The following ATP2B2 variants were observed in gnomAD, a reference collection of about 807,000 sequenced individuals.
The protein encoded by ATP2B2 is ATPase plasma membrane Ca2+ transporting 2.
Under a neutral mutation model 120.0 loss-of-function variants are expected in ATP2B2, and 15 were observed. The observed-to-expected ratio is 0.12, with a 90% CI of 0.08 to 0.19. The LOEUF is 0.19. Ranked by LOEUF, ATP2B2 falls within the 10% of genes least tolerant of loss-of-function variation. The probability of loss-of-function intolerance (pLI) is 1.00; values close to 1 mark genes in which losing one functional copy is unlikely to be tolerated. For synonymous variants in ATP2B2, 694 were observed against 700.3 expected (o/e 0.99, Z 0.14); for missense variants, 1,045 against 1,719.8 (o/e 0.61, Z 6.94).
At chr3:10,566,433 C>T (rs553525913) in intron 2 of ATP2B2, 1 of 152,268 alleles carries the variant, frequency 6.6e-6, no homozygotes, top group Admixed American at 6.5e-5. Flanking sequence ...ATATAACCTA[C>T]CAATACACAT....
chr3:10,399,199 G>A (rs942623734), intron 5 of ATP2B2, among the ~76,000 whole-genome samples: 9 of 152,180 alleles, frequency 5.9e-5, no homozygotes, highest in Non-Finnish European at 1.3e-4. Context: ...TGCTCTGTCT[G>A]TCAACCACTT....
chr3:10,423,669 C>T (rs1248042520), intron 2 of ATP2B2, among the ~76,000 whole-genome samples: 1 of 152,188 alleles, frequency 6.6e-6, no homozygotes, highest in Admixed American at 6.5e-5. Flanking sequence ...ACAAGAAGCA[C>T]TTCCCTGTCC....
intron 1 of ATP2B2, among the ~76,000 whole-genome samples, chr3:10,625,597 G>A (rs2069675229): frequency 6.6e-6 from 1 of 152,206 alleles, no homozygotes; most frequent in Non-Finnish European, 1.5e-5. Context: ...TGGAGGAGGG[G>A]GAGGTGTTGA....
chr3:10,641,548 A>G (rs989310160), intron 1 of ATP2B2, among the ~76,000 whole-genome samples: 2 of 152,216 alleles, frequency 1.3e-5, no homozygotes, highest in South Asian at 2.1e-4. Context: ...TGTTGTTTTC[A>G]TCTGCTTTTG....
At chr3:10,534,898 GTTTTTTTTTTTT>G (rs59467255) in intron 2 of ATP2B2, among the ~76,000 whole-genome samples, 1 of 87,708 alleles carries the variant, frequency 1.1e-5, no homozygotes, top group Admixed American at 1.4e-4. Context: ...CATTTATTTG[GTTTTTTTTTTTT>G]TTTTTTTTTT....
At chr3:10,676,623 C>G (rs1424185818) in intron 1 of ATP2B2, among the ~76,000 whole-genome samples, 2 of 152,176 alleles carry the variant, frequency 1.3e-5, no homozygotes. Flanking sequence ...CCAGTAGGAA[C>G]ACTGCAAATA....
intron 14 of ATP2B2, among the ~76,000 whole-genome samples, chr3:10,351,578 G>T (rs2125414826): frequency 6.6e-6 from 1 of 152,266 alleles, no homozygotes; most frequent in Middle Eastern, 3.4e-3. Context: ...ACTGCTGAGG[G>T]AGTTGGAAGA....
At position 10,388,270 on chromosome 3, in the gene ATP2B2, G is replaced by A. The variant is rs2061742713; in HGVS notation, c.907+7C>T. On this transcript the variant is annotated splice_region_variant and intron_variant, in intron 6 of 22. Coordinates refer to ENST00000360273, the MANE Select transcript of ATP2B2 (RefSeq NM_001001331.4). ...CCTCTCCTGGTCTGCAAGGGGATTA[G>A]GCTTACCTTTTTTGTCTTTCTTCTC... 3 of 1,614,152 alleles carry A rather than the reference G, an allele frequency of 1.9e-6. No homozygotes were observed. Among genetic ancestry groups the A allele is most frequent in the Non-Finnish European group, 2.5e-6 (3 of 1,180,008 alleles).
chr3:10,679,944 TGG>T (rs1483412864), intron 1 of ATP2B2, among the ~76,000 whole-genome samples: 1 of 152,102 alleles, frequency 6.6e-6, no homozygotes, highest in African/African-American at 2.4e-5. Context: ...CTTAAGCTGG[TGG>T]TCGGTATATG....
chr3:10,531,934 G>T (rs1211129403), intron 3 of ATP2B2, among the ~76,000 whole-genome samples: 1 of 152,064 alleles, frequency 6.6e-6, no homozygotes, highest in African/African-American at 2.4e-5. Flanking sequence ...GAGGCTACAA[G>T]TTCATCACTT....
At chr3:10,443,097 C>T (rs767624881) in intron 2 of ATP2B2, among the ~76,000 whole-genome samples, 23 of 152,186 alleles carry the variant, frequency 1.5e-4, no homozygotes, top group Non-Finnish European at 2.1e-4. Context: ...TAATTACTAA[C>T]GGTGCCGTGG....
chr3:10,343,818 C>T lies in ATP2B2; in HGVS notation c.2704-853G>A, dbSNP rs577985589. Among the ~76,000 whole-genome samples the T allele has an allele frequency of 3.9e-5, 6 of 152,280 alleles. No individual in the cohort carries two copies. The South Asian group carries it at 1.0e-3, about 26-fold the overall frequency. ...CACTTGTAATCCTGACCCCACTCTC[C>T]TGGTCGTCGTCCTCCCTTCCTTTTA... On this transcript the variant is annotated intron_variant, in intron 18 of 22. Transcript: ENST00000360273. The surrounding 1 kb of genome is among the most constrained non-coding windows in gnomAD (Gnocchi z 4.2).
chr3:10,562,253 G>T (rs1021736331), intron 2 of ATP2B2, among the ~76,000 whole-genome samples: 2 of 152,200 alleles, frequency 1.3e-5, no homozygotes, highest in Admixed American at 1.3e-4. Flanking sequence ...AGTGAGGAGG[G>T]CTCCTCAGGC....
At chr3:10,705,847 G>T (rs2071888119) in intron 1 of ATP2B2, among the ~76,000 whole-genome samples, 1 of 152,186 alleles carries the variant, frequency 6.6e-6, no homozygotes, top group Admixed American at 6.5e-5. Flanking sequence ...GGACCTTCCT[G>T]GTTTATGCTC....
At chr3:10,477,438 A>G (rs1189030197) in intron 1 of ATP2B2, among the ~76,000 whole-genome samples, 2 of 152,222 alleles carry the variant, frequency 1.3e-5, no homozygotes, top group Non-Finnish European at 2.9e-5. Context: ...TTAAGTGCAC[A>G]GTTCAGTGAC....
At chr3:10,691,140 C>G (rs1489689296) in intron 1 of ATP2B2, among the ~76,000 whole-genome samples, 1 of 152,228 alleles carries the variant, frequency 6.6e-6, no homozygotes, top group Non-Finnish European at 1.5e-5. Flanking sequence ...CAGGGAAATT[C>G]TGACCTGGCC....
At position 10,402,389 on chromosome 3, in the gene ATP2B2, G is replaced by C. The variant is rs1297987658; in HGVS notation, c.398-41C>G. On this transcript the variant is annotated intron_variant, in intron 3 of 22. Transcript: ENST00000360273. The surrounding 1 kb of genome is among the most constrained non-coding windows in gnomAD (Gnocchi z 4.9). ...GAAGCAGGCAGAGTGAGGTCAACCA[G>C]ACAGGAGAGGCCTCATGGGCCTGGA... 5 of 1,608,628 alleles carry C rather than the reference G, an allele frequency of 3.1e-6. No individual in the cohort carries two copies. Among genetic ancestry groups the C allele is most frequent in the Non-Finnish European group, 4.2e-6 (5 of 1,179,932 alleles).
At chr3:10,696,812 G>A (rs1344917287) in intron 1 of ATP2B2, among the ~76,000 whole-genome samples, 1 of 152,204 alleles carries the variant, frequency 6.6e-6, no homozygotes, top group Non-Finnish European at 1.5e-5. Context: ...ATGAAGTCAA[G>A]GTGAAATGTG....
At chr3:10,523,823 T>A (rs1375840758) in intron 3 of ATP2B2, among the ~76,000 whole-genome samples, 1 of 149,742 alleles carries the variant, frequency 6.7e-6, no homozygotes, top group East Asian at 2.0e-4. Context: ...AGGCCCCCGT[T>A]TCCTCTTCTC....
Sources: gnomAD v4.1 joint callset for allele counts (sites outside exome capture counted in the v4.1 genomes callset) on GRCh38, gnomAD v4.1.1 for gene constraint, Gnocchi (gnomAD v3.1) non-coding constraint, MANE v1.5 for transcripts, NCBI Gene and HGNC (gene_info 2026-07-23, HGNC 2026-07-21) for gene names.